STAP1: variants seen among roughly 807,000 people sequenced by gnomAD.
STAP1 encodes the protein signal transducing adaptor family member 1.
A neutral mutation model predicts 37.8 loss-of-function variants in STAP1; 30 were observed. The ratio of observed to expected loss-of-function variants is 0.79; its 90% CI spans 0.59 to 1.08. STAP1 has a LOEUF of 1.08. Ranked by LOEUF, STAP1 falls within the 50% of genes least tolerant of loss-of-function variation. The pLI, the probability that STAP1 is intolerant of heterozygous loss-of-function variation, is 0.00. For missense variants in STAP1, 357 were observed against 349.4 expected, an observed-to-expected ratio of 1.02 and a Z score of -0.17; for synonymous variants, 130 against 116.0, an observed-to-expected ratio of 1.12 and a Z score of -0.78.
At chr4:67,586,760 T>C (rs1208353127) in intron 6 of STAP1, among the ~76,000 whole-genome samples, 1 of 152,232 alleles carries the variant, frequency 6.6e-6, no homozygotes, top group Admixed American at 6.5e-5. Flanking sequence ...TCACTTTTGG[T>C]TTGAATTCAT....
rs2109882199 is a variant in STAP1 at position 67,606,288 on chromosome 4, A to G, written c.827-8A>G. ...CGCTAATTAAGTTTTTCTACCCACAATTTCTAGGTCAAGAACCCAGTATGG... is the reference window on the plus strand; with the variant it reads ...CGCTAATTAAGTTTTTCTACCCACAGTTTCTAGGTCAAGAACCCAGTATGG... On this transcript the variant is annotated splice_polypyrimidine_tract_variant and splice_region_variant and intron_variant, in intron 8 of 8. Coordinates refer to ENST00000265404, the MANE Select transcript of STAP1 (RefSeq NM_012108.4). 1 of 1,603,164 alleles carries G rather than the reference A, an allele frequency of 6.2e-7. No individual in the cohort carries two copies. Among genetic ancestry groups the G allele is most frequent in the South Asian group, 1.1e-5 (1 of 88,110 alleles).
intron 6 of STAP1, among the ~76,000 whole-genome samples, chr4:67,585,249 T>A (rs1727954830): frequency 6.6e-6 from 1 of 152,246 alleles, no homozygotes; most frequent in South Asian, 2.1e-4. Flanking sequence ...TTAAATTTTA[T>A]ACTATAACAT....
intron 6 of STAP1, among the ~76,000 whole-genome samples, chr4:67,585,886 G>A (rs1241913807): frequency 2.6e-5 from 4 of 152,140 alleles, no homozygotes; most frequent in East Asian, 3.8e-4. Context: ...ACGAAATTGT[G>A]TATGACATAA....
At chr4:67,578,938 C>A (rs914591116) in intron 4 of STAP1, among the ~76,000 whole-genome samples, 2 of 151,678 alleles carry the variant, frequency 1.3e-5, no homozygotes, top group African/African-American at 2.4e-5. Context: ...AAGCAATTCT[C>A]CTGCCTTAGC....
chr4:67,577,064 T>TA, intron 3 of STAP1, 139 bp from the exon 4 acceptor site: 1 of 611,162 alleles, frequency 1.6e-6, no homozygotes, highest in East Asian at 3.0e-5. Context: ...AAATATTTCA[T>TA]AAAAAATACA....
chr4:67,594,671 C>T (rs1171111287), intron 8 of STAP1, among the ~76,000 whole-genome samples: 1 of 152,166 alleles, frequency 6.6e-6, no homozygotes, highest in Non-Finnish European at 1.5e-5. Flanking sequence ...TGTCTTCCCT[C>T]AGTTTTTTAC....
intron 8 of STAP1, among the ~76,000 whole-genome samples, chr4:67,598,349 C>A (rs1010343562): frequency 1.3e-5 from 2 of 151,998 alleles, no homozygotes; most frequent in African/African-American, 2.4e-5. Context: ...TTTTAAGGAG[C>A]CTTCATCCTG....
intron 1 of STAP1, among the ~76,000 whole-genome samples, chr4:67,563,815 C>G (rs889352861): frequency 3.3e-4 from 50 of 152,040 alleles, no homozygotes; most frequent in Admixed American, 3.3e-3. Context: ...TGCACTTGAC[C>G]ATGCTGCTTC....
intron 8 of STAP1, among the ~76,000 whole-genome samples, chr4:67,603,033 G>A (rs936930597): frequency 6.6e-6 from 1 of 152,148 alleles, no homozygotes; most frequent in Non-Finnish European, 1.5e-5. Context: ...CCAGGGCCTG[G>A]AGTTAGGAAC....
chr4:67,590,931 A>T lies in STAP1; in HGVS notation c.707A>T (p.Tyr236Phe). 1 of 1,612,140 alleles carries T rather than the reference A, an allele frequency of 6.2e-7. No individual in the cohort carries two copies. The change falls in exon 7 of 9, where the codon TAC becomes TTC. Residue 236 changes from tyrosine to phenylalanine, a missense_variant. Transcript: ENST00000265404. ...HYKVMSVGQN[Y>F]TIELEKPVTL... The stretch of plus-strand genomic sequence containing the variant: ...AAAGTGATGAGCGTAGGACAAAACT[A>T]CACTATTGAACTGGAAAAACCTGTA...
At chr4:67,573,765 A>G (rs1036968987) in intron 2 of STAP1, among the ~76,000 whole-genome samples, 4 of 152,084 alleles carry the variant, frequency 2.6e-5, no homozygotes, top group African/African-American at 9.7e-5. Context: ...AAAATTATAT[A>G]CCTATTTTTA....
intron 6 of STAP1, among the ~76,000 whole-genome samples, chr4:67,588,391 T>G (rs11937567): frequency 0.55 from 84,220 of 151,844 alleles, 24,900 homozygotes; most frequent in Non-Finnish European, 0.65. Context: ...ATGTCTTTTT[T>G]TTGTTGTTGT....
intron 1 of STAP1, among the ~76,000 whole-genome samples, chr4:67,569,463 C>G (rs1166515226): frequency 6.7e-6 from 1 of 148,314 alleles, no homozygotes; most frequent in East Asian, 1.9e-4. Context: ...CTTACTGTAA[C>G]TATTTTACAT....
At chr4:67,570,295 C>T (rs114866533) in intron 1 of STAP1, among the ~76,000 whole-genome samples, 5,733 of 152,154 alleles carry the variant, frequency 0.038, 155 homozygotes, top group Non-Finnish European at 0.044. Flanking sequence ...TTTTGTTTGA[C>T]TGGAAATGCA....
chr4:67,586,701 A>C (rs1249978757), intron 6 of STAP1, among the ~76,000 whole-genome samples: 5 of 152,224 alleles, frequency 3.3e-5, no homozygotes, highest in Non-Finnish European at 7.3e-5. Context: ...TCATGAGAGT[A>C]TGGAAAAGGA....
At chr4:67,571,576 T>C (rs1307366198) in intron 2 of STAP1, among the ~76,000 whole-genome samples, 4 of 152,196 alleles carry the variant, frequency 2.6e-5, no homozygotes, top group Admixed American at 6.5e-5. Context: ...TTAATTTTTC[T>C]GAAAAGACAA....
At chr4:67,586,976 T>C (rs1179821404) in intron 6 of STAP1, among the ~76,000 whole-genome samples, 2 of 152,252 alleles carry the variant, frequency 1.3e-5, no homozygotes, top group Non-Finnish European at 1.5e-5. Flanking sequence ...AAAATTCAAC[T>C]GTATTGCACA....
At chr4:67,584,800 T>A (rs1422024586) in intron 6 of STAP1, among the ~76,000 whole-genome samples, 2 of 152,086 alleles carry the variant, frequency 1.3e-5, no homozygotes, top group African/African-American at 4.8e-5. Flanking sequence ...TAGGGACACA[T>A]CACTCAGAGC....
intron 8 of STAP1, among the ~76,000 whole-genome samples, chr4:67,598,701 G>A (rs767274188): frequency 3.3e-5 from 5 of 152,154 alleles, no homozygotes; most frequent in Admixed American, 1.3e-4. Flanking sequence ...TGTGTAGTTT[G>A]CAAATATTTT....
Sources: allele counts gnomAD v4.1 joint callset (sites outside exome capture counted in the v4.1 genomes callset), GRCh38; gene constraint gnomAD v4.1.1; transcripts MANE v1.5; gene names NCBI Gene and HGNC (gene_info 2026-07-23, HGNC 2026-07-21).